CCDC141: variants seen among roughly 807,000 people sequenced by gnomAD.
CCDC141 encodes the protein coiled-coil domain containing 141.
CCDC141 carries 168 observed loss-of-function variants against 181.0 expected under a neutral mutation model. The ratio of observed to expected loss-of-function variants is 0.93; its 90% CI spans 0.82 to 1.05. The LOEUF is 1.05. Ranked by LOEUF, CCDC141 falls within the 50% of genes least tolerant of loss-of-function variation. The pLI is 0.00. For synonymous variants in CCDC141, 666 were observed against 642.3 expected, an observed-to-expected ratio of 1.04 and a Z score of -0.56; for missense variants, 1,902 against 1,788.5, an observed-to-expected ratio of 1.06 and a Z score of -1.14.
chr2:178,982,461 G>C (rs1280275285), intron 2 of CCDC141, among the ~76,000 whole-genome samples: 3 of 152,160 alleles, frequency 2.0e-5, no homozygotes, highest in Non-Finnish European at 4.4e-5. Flanking sequence ...GGAGGGAGGA[G>C]CCAAGATGGC....
rs1260996417 is a variant in CCDC141 at position 178,987,162 on chromosome 2, C to T, written c.226-8487G>A. Among the ~76,000 whole-genome samples the T allele has an allele frequency of 7.4e-5, 9 of 121,564 alleles. 1 individual carries two copies. The highest frequency in any genetic ancestry group is 1.9e-4 in the Admixed American group (2 of 10,380). 79.8% of individuals were successfully genotyped at this position (121,564 alleles called of 152,430 possible). A position where few individuals can be genotyped will look rare whatever the true frequency, so the allele number is the denominator to read the frequency against. On this transcript the variant is annotated intron_variant, in intron 2 of 23. Coordinates refer to ENST00000443758, the MANE Select transcript of CCDC141 (RefSeq NM_173648.4). Reference sequence around the variant, plus strand: ...AGAACACAGCCCTCAGAAATAATGCCGCATATCTACAACTATCTGATCTTT... The same window carrying T: ...AGAACACAGCCCTCAGAAATAATGCTGCATATCTACAACTATCTGATCTTT...
chr2:178,988,324 T>TC (rs1553497684), intron 2 of CCDC141, among the ~76,000 whole-genome samples: 7 of 63,580 alleles, frequency 1.1e-4, no homozygotes, highest in Non-Finnish European at 1.7e-4. Flanking sequence ...TGTTGTGGGG[T>TC]GGGGGGAGGG....
intron 2 of CCDC141, among the ~76,000 whole-genome samples, chr2:179,004,214 GA>G (rs1162189252): frequency 1.3e-5 from 2 of 152,266 alleles, no homozygotes; most frequent in African/African-American, 2.4e-5. Flanking sequence ...CTGCATTAAT[GA>G]TTAGGGAGAT....
chr2:179,004,561 C>A (rs2042071442), intron 2 of CCDC141, among the ~76,000 whole-genome samples: 2 of 152,050 alleles, frequency 1.3e-5, no homozygotes, highest in South Asian at 4.2e-4. Context: ...AATTCTACTG[C>A]CAAGCATTTC....
chr2:179,036,791 A>G (rs1308121222), intron 2 of CCDC141, among the ~76,000 whole-genome samples: 1 of 152,226 alleles, frequency 6.6e-6, no homozygotes, highest in Non-Finnish European at 1.5e-5. Context: ...CTTTACATAC[A>G]TAGAAGATGA....
chr2:178,869,048 T>C, intron 15 of CCDC141, 69 bp downstream of exon 15: 1 of 1,175,300 alleles, frequency 8.5e-7, no homozygotes, highest in Non-Finnish European at 1.2e-6. Context: ...TTATTTATTA[T>C]ATAATAATTC....
intron 6 of CCDC141, among the ~76,000 whole-genome samples, chr2:178,922,990 G>A (rs546814700): frequency 1.7e-4 from 26 of 151,612 alleles, no homozygotes; most frequent in Non-Finnish European, 2.6e-4. Context: ...AATTGGTTCT[G>A]TTTTCTTTGG....
chr2:178,885,124 T>A (rs1686818751), intron 10 of CCDC141, 32 bp from the exon 11 acceptor site: 16 of 1,458,170 alleles, frequency 1.1e-5, no homozygotes, highest in Non-Finnish European at 1.5e-5. Flanking sequence ...GGTCAGAAAC[T>A]GACAGGGGAA....
chr2:178,969,325 C>T (rs1214171399), intron 4 of CCDC141, among the ~76,000 whole-genome samples: 1 of 151,856 alleles, frequency 6.6e-6, no homozygotes, highest in African/African-American at 2.4e-5. Flanking sequence ...CTTTTAGAGC[C>T]CACAAATGGG....
chr2:178,992,797 A>G (rs961922467), intron 2 of CCDC141, among the ~76,000 whole-genome samples: 2 of 152,120 alleles, frequency 1.3e-5, no homozygotes, highest in Admixed American at 6.5e-5. Context: ...GTGGGAGATG[A>G]TTGAATCATG....
intron 6 of CCDC141, among the ~76,000 whole-genome samples, chr2:178,941,852 C>T (rs1423308898): frequency 2.7e-5 from 4 of 149,156 alleles, no homozygotes; most frequent in Non-Finnish European, 4.5e-5. Context: ...CCCAGGTGCT[C>T]GGGAGGCTGA....
chr2:178,988,637 T>G (rs917166938), intron 2 of CCDC141, among the ~76,000 whole-genome samples: 3 of 152,106 alleles, frequency 2.0e-5, no homozygotes, highest in African/African-American at 7.2e-5. Flanking sequence ...CACAGGCTTT[T>G]TGACAGAAAT....
intron 4 of CCDC141, among the ~76,000 whole-genome samples, chr2:178,971,291 A>G (rs1260809140): frequency 6.6e-6 from 1 of 152,242 alleles, no homozygotes; most frequent in African/African-American, 2.4e-5. Context: ...AAAAGAAGAC[A>G]TTTATGCAGC....
At chr2:178,851,970 T>G (rs1313970396) in intron 20 of CCDC141, among the ~76,000 whole-genome samples, 2 of 152,222 alleles carry the variant, frequency 1.3e-5, no homozygotes, top group Non-Finnish European at 2.9e-5. Flanking sequence ...TTAAAAAATA[T>G]ATAGCTTCCC....
At chr2:178,828,029 A>G (rs1383219903), downstream of CCDC141, among the ~76,000 whole-genome samples, 2 of 151,950 alleles carry the variant, frequency 1.3e-5, no homozygotes, top group Non-Finnish European at 2.9e-5. Context: ...GTCACGTGTC[A>G]TGTACTGCCT....
intron 15 of CCDC141, 51 bp from the exon 16 acceptor site, chr2:178,868,256 T>A: frequency 3.3e-6 from 5 of 1,509,248 alleles, no homozygotes; most frequent in African/African-American, 2.8e-5. Context: ...GAAGACAAAT[T>A]TTTTTTTAAG....
intron 21 of CCDC141, among the ~76,000 whole-genome samples, chr2:178,849,405 T>A (rs1041750814): frequency 6.6e-6 from 1 of 152,246 alleles, no homozygotes; most frequent in Non-Finnish European, 1.5e-5. Context: ...TTGATCTTAA[T>A]GACCTTGCTG....
intron 21 of CCDC141, among the ~76,000 whole-genome samples, chr2:178,846,735 T>G (rs924500544): frequency 6.6e-6 from 1 of 152,232 alleles, no homozygotes; most frequent in Non-Finnish European, 1.5e-5. Context: ...TTGGGGCCCA[T>G]GTAAAGCACT....
chr2:179,015,067 G>GATATATATATATATAT (rs1177070237), intron 2 of CCDC141, among the ~76,000 whole-genome samples: 42 of 39,568 alleles, frequency 1.1e-3, no homozygotes, highest in South Asian at 1.7e-3. Flanking sequence ...GAGAGACAGA[G>GATATATATATATATAT]ATATATATAT....
Sources: gnomAD v4.1 joint callset for allele counts (sites outside exome capture counted in the v4.1 genomes callset) on GRCh38, gnomAD v4.1.1 for gene constraint, MANE v1.5 for transcripts, NCBI Gene and HGNC (gene_info 2026-07-23, HGNC 2026-07-21) for gene names.